Variants in SMC3 observed in about 807,000 individuals in gnomAD.
SMC3 encodes the protein structural maintenance of chromosomes 3, also known as structural maintenance of chromosomes protein 3.
SMC3 carries 20 observed loss-of-function variants against 171.8 expected under a neutral mutation model. That is an observed-to-expected ratio of 0.12 (90% CI 0.08 to 0.17). The LOEUF is 0.17. Among genes scored for constraint, SMC3 ranks in the 10% least tolerant of loss-of-function variants. The pLI is 1.00. For synonymous variants in SMC3, 464 were observed against 451.1 expected, an observed-to-expected ratio of 1.03 and a Z score of -0.36; for missense variants, 543 against 1,420.4, an observed-to-expected ratio of 0.38 and a Z score of 9.93.
At chr10:110,586,965 C>T (rs1861128474) in intron 13 of SMC3, among the ~76,000 whole-genome samples, 1 of 152,118 alleles carries the variant, frequency 6.6e-6, no homozygotes, top group African/African-American at 2.4e-5. Flanking sequence ...TGTAAATAGG[C>T]TTTTGCCTCT....
intron 7 of SMC3, among the ~76,000 whole-genome samples, chr10:110,579,971 A>G (rs545959944): frequency 1.3e-5 from 2 of 152,304 alleles, no homozygotes; most frequent in African/African-American, 4.8e-5. Context: ...TTGTCATATC[A>G]TTAGCCTTCT....
chr10:110,574,289 AG>A lies in SMC3; in HGVS notation c.130+545del, dbSNP rs769422225. Among the ~76,000 whole-genome samples, 16 of 152,366 alleles carry A rather than the reference AG, an allele frequency of 1.1e-4. No individual in the cohort carries two copies. In the East Asian group the frequency reaches 2.3e-3, roughly 22 times the overall value. The stretch of plus-strand genomic sequence containing the variant: ...TTGTCACTTTGAAGATAGTAAATAG[AG>A]CTTCAAAAATTCTCTCTAAATTGCA... On this transcript the variant is annotated intron_variant, in intron 3 of 28. Transcript: ENST00000361804.
At position 110,590,459 on chromosome 10, in the gene SMC3, C is replaced by T. The variant is rs1246875158; in HGVS notation, c.1557C>T (p.Phe519=). The change falls in exon 16 of 29, where the codon TTC becomes TTT. Residue 519 remains phenylalanine (F), a synonymous_variant. Coordinates refer to ENST00000361804, the MANE Select transcript of SMC3 (RefSeq NM_005445.4). ...GCATAAACAAAGTGCTAGACCACTT[C>T]CGTCGAAAAGGAATAAACCAGCATG... ...IDSINKVLDH[F]RRKGINQHVQ... The T allele has an allele frequency of 1.2e-6, 2 of 1,613,906 alleles. No homozygotes were observed. Among genetic ancestry groups the T allele is most frequent in the Non-Finnish European group, 8.5e-7 (1 of 1,179,922 alleles).
chr10:110,593,281 A>G, intron 18 of SMC3, 58 bp downstream of exon 18: 2 of 1,570,414 alleles, frequency 1.3e-6, no homozygotes, highest in East Asian at 4.5e-5. Context: ...CATTTAAAAC[A>G]TATAATCTGG....
At chr10:110,586,047 C>T (rs1005389544) in intron 13 of SMC3, among the ~76,000 whole-genome samples, 4 of 152,096 alleles carry the variant, frequency 2.6e-5, no homozygotes, top group East Asian at 3.9e-4. Flanking sequence ...CTGCCTGCCT[C>T]GGCCTCCCAA....
At chr10:110,577,621 A>G in intron 5 of SMC3, 129 bp downstream of exon 5, 2 of 734,064 alleles carry the variant, frequency 2.7e-6, no homozygotes, top group Non-Finnish European at 4.6e-6. Flanking sequence ...TTTATCTTAA[A>G]ATGACAATGA....
chr10:110,603,358 T>C, intron 28 of SMC3, 68 bp downstream of exon 28: 1 of 1,024,722 alleles, frequency 9.8e-7, no homozygotes, highest in Non-Finnish European at 1.5e-6. Context: ...TCTGATTTTA[T>C]GTTACTTAAA....
At chr10:110,594,245 A>G (rs1861258467) in intron 18 of SMC3, among the ~76,000 whole-genome samples, 1 of 151,596 alleles carries the variant, frequency 6.6e-6, no homozygotes, top group African/African-American at 2.4e-5. Context: ...GCCACATTCA[A>G]CACAATTTTT....
At chr10:110,569,135 G>C (rs1396636678) in intron 2 of SMC3, 122 bp downstream of exon 2, 3 of 721,598 alleles carry the variant, frequency 4.2e-6, no homozygotes, top group South Asian at 1.6e-5. Flanking sequence ...ATATTTTTCT[G>C]CGTGAAATAA....
intron 25 of SMC3, 128 bp downstream of exon 25, chr10:110,602,306 G>A (rs1314584806): frequency 3.1e-6 from 3 of 969,908 alleles, no homozygotes; most frequent in Non-Finnish European, 4.8e-6. Flanking sequence ...AACAAACCTA[G>A]CATATAGGTT....
chr10:110,582,864 T>TA (rs576351155), intron 10 of SMC3, among the ~76,000 whole-genome samples: 64 of 151,612 alleles, frequency 4.2e-4, no homozygotes, highest in African/African-American at 1.5e-3. Flanking sequence ...GACAAGGTCT[T>TA]ACCATGTTGC....
chr10:110,572,969 T>C (rs1260727196), intron 2 of SMC3, among the ~76,000 whole-genome samples: 1 of 152,204 alleles, frequency 6.6e-6, no homozygotes, highest in Non-Finnish European at 1.5e-5. Context: ...AGCTGGCTCC[T>C]GTGTCTGTCA....
chr10:110,589,629 G>A lies in SMC3; in HGVS notation c.1330G>A (p.Val444Ile), dbSNP rs1861177028. 6.2e-7 allele frequency: 1 copy of A among 1,609,338 alleles called. No individual in the cohort carries two copies. Among genetic ancestry groups the A allele is most frequent in the Non-Finnish European group, 8.5e-7 (1 of 1,176,134 alleles). ...GAAACTGGACCAGGATCTTAATGAA[G>A]TCAAAGCTCGAGTAGAAGAACTGGA... Reference protein sequence around the residue: ...YNKLDQDLNEVKARVEELDRK... With the variant: ...YNKLDQDLNEIKARVEELDRK... The change falls in exon 14 of 29, where the codon GTC becomes ATC. Residue 444 changes from valine to isoleucine, a missense_variant. Physicochemically the swap from Val to Ile is conservative, Grantham distance 29. This residue lies in a region of SMC3 where 218 missense variants were observed against 509.6 expected (regional missense o/e 0.43). Transcript: ENST00000361804.
At position 110,605,628 on chromosome 10, in the gene SMC3, C is replaced by T. The variant is rs530517727; in HGVS notation, c.*1326C>T. Among the ~76,000 whole-genome samples, 26 of 152,146 alleles carry T rather than the reference C, an allele frequency of 1.7e-4. No individual in the cohort carries two copies. The highest frequency in any genetic ancestry group is 4.6e-4 in the African/African-American group (19 of 41,530). The stretch of plus-strand genomic sequence containing the variant: ...TTGACTGGCTGAATCTTTAAATGTT[C>T]GGTGTATTATTTATACTTTGTAGCT... On this transcript the variant is annotated 3_prime_UTR_variant, in exon 29 of 29. Coordinates refer to ENST00000361804, the MANE Select transcript of SMC3 (RefSeq NM_005445.4).
In SMC3 at chr10:110,604,441, GTATTT is replaced by G; in HGVS notation, c.*143_*147del. ...TCATAGTCCTTTTATATTTGTCTTTGTATTTTATAAGATACTCTGTAATGTCATGT... is the reference window on the plus strand; with the variant it reads ...TCATAGTCCTTTTATATTTGTCTTTGTATAAGATACTCTGTAATGTCATGT... On this transcript the variant is annotated 3_prime_UTR_variant, in exon 29 of 29. Transcript: ENST00000361804. 2 of 647,458 alleles carry G rather than the reference GTATTT, an allele frequency of 3.1e-6. No individual in the cohort carries two copies. The highest frequency in any genetic ancestry group is 5.5e-6 in the Non-Finnish European group (2 of 360,888). 40.1% of individuals were successfully genotyped at this position (647,458 alleles called of 1,614,324 possible).
At chr10:110,595,143 C>T (rs971139388) in intron 18 of SMC3, among the ~76,000 whole-genome samples, 8 of 151,846 alleles carry the variant, frequency 5.3e-5, no homozygotes, top group Admixed American at 2.0e-4. Flanking sequence ...CCACTATGCC[C>T]GGCTAATTTT....
rs1353554329 is a variant in SMC3 at position 110,599,962 on chromosome 10, G to A, written c.2427+150G>A. The A allele has an allele frequency of 7.7e-6, 6 of 779,244 alleles. No homozygotes were observed. In the East Asian group the frequency reaches 1.6e-4, roughly 21 times the overall value. The allele number at this position is 779,244 out of a possible 1,614,324, so 48.3% of individuals were successfully genotyped here. A position where few individuals can be genotyped will look rare whatever the true frequency, so the allele number is the denominator to read the frequency against. On this transcript the variant is annotated intron_variant, in intron 21 of 28. Transcript: ENST00000361804. ...TTTTAATATACATAGGAGTAAATAAGATTTTGTTTTTCTAAACCAATCTAG... is the reference window on the plus strand; with the variant it reads ...TTTTAATATACATAGGAGTAAATAAAATTTTGTTTTTCTAAACCAATCTAG...
rs189216213 is a variant in SMC3, at chr10:110,585,026, T to A, written c.1305+630T>A. Among the ~76,000 whole-genome samples, 7 of 152,310 alleles carry A rather than the reference T, an allele frequency of 4.6e-5. No homozygotes were observed. The East Asian group carries it at 1.4e-3, about 29-fold the overall frequency. The stretch of plus-strand genomic sequence containing the variant: ...AAATAGCTTGTTGGTAACTTTTTTT[T>A]TTTGAGATGGAGTTTGGCTCTTGTT... On this transcript the variant is annotated intron_variant, in intron 13 of 28. Coordinates refer to ENST00000361804, the MANE Select transcript of SMC3 (RefSeq NM_005445.4).
At chr10:110,589,862 A>G in intron 14 of SMC3, 30 bp from the exon 15 acceptor site, 1 of 1,589,218 alleles carries the variant, frequency 6.3e-7, no homozygotes, top group East Asian at 2.2e-5. Context: ...TGTGTTTAAA[A>G]TTAAAGACAG....
Sources: allele counts gnomAD v4.1 joint callset (sites outside exome capture counted in the v4.1 genomes callset), GRCh38; gene constraint gnomAD v4.1.1; regional missense constraint gnomAD v4.1.1; transcripts MANE v1.5; gene names NCBI Gene and HGNC (gene_info 2026-07-23, HGNC 2026-07-21).